Variants in RHOH observed in about 807,000 individuals in gnomAD.
RHOH encodes the protein ras homolog family member H, also known as rho-related GTP-binding protein RhoH.
Under a neutral mutation model 13.8 loss-of-function variants are expected in RHOH, and 6 were observed. The observed-to-expected ratio is 0.44, with a 90% CI of 0.24 to 0.86. The LOEUF is 0.86. Ranked by LOEUF, RHOH falls within the 40% of genes least tolerant of loss-of-function variation. The probability of loss-of-function intolerance (pLI) is 0.24; values close to 1 mark genes in which losing one functional copy is unlikely to be tolerated. For synonymous variants in RHOH, 117 were observed against 103.0 expected, an observed-to-expected ratio of 1.14 and a Z score of -0.82; for missense variants, 147 against 244.5, an observed-to-expected ratio of 0.60 and a Z score of 2.66.
chr4:40,212,705 G>A (rs1013539401), intron 1 of RHOH: 1 of 152,242 alleles, frequency 6.6e-6, no homozygotes, highest in African/African-American at 2.4e-5. Context: ...TCAAGAGAAA[G>A]GGCTGCTCCA....
At chr4:40,202,022 G>A (rs2109361655) in intron 1 of RHOH, among the ~76,000 whole-genome samples, 1 of 142,960 alleles carries the variant, frequency 7.0e-6, no homozygotes, top group South Asian at 2.2e-4. Flanking sequence ...TGTAATCACA[G>A]CTCACTCAGC....
chr4:40,232,255 T>G (rs967627518), intron 1 of RHOH, among the ~76,000 whole-genome samples: 2 of 152,186 alleles, frequency 1.3e-5, no homozygotes, highest in Non-Finnish European at 2.9e-5. Flanking sequence ...GACAGGGTCT[T>G]GCTTTGTTGC....
At chr4:40,229,051 T>G (rs1304408348) in intron 1 of RHOH, among the ~76,000 whole-genome samples, 1 of 152,134 alleles carries the variant, frequency 6.6e-6, no homozygotes, top group Non-Finnish European at 1.5e-5. Context: ...GAGATGGCCC[T>G]TACTTCCCAG....
At chr4:40,230,419 C>T (rs909619174) in intron 1 of RHOH, among the ~76,000 whole-genome samples, 2 of 152,030 alleles carry the variant, frequency 1.3e-5, no homozygotes, top group Non-Finnish European at 2.9e-5. Flanking sequence ...CAGCCTCTGC[C>T]TCCCAGGTTC....
chr4:40,220,502 A>G (rs1726426629), intron 1 of RHOH, among the ~76,000 whole-genome samples: 1 of 152,192 alleles, frequency 6.6e-6, no homozygotes, highest in African/African-American at 2.4e-5. Context: ...GATGAAGTAC[A>G]GCCACACCAT....
intron 1 of RHOH, among the ~76,000 whole-genome samples, chr4:40,199,105 A>T (rs972936066): frequency 8.8e-5 from 12 of 136,220 alleles, no homozygotes; most frequent in Non-Finnish European, 1.8e-4. Context: ...TGCTCAGATT[A>T]AAAAAAAAAT....
intron 1 of RHOH, among the ~76,000 whole-genome samples, chr4:40,215,354 A>G (rs1299464564): frequency 2.0e-5 from 3 of 152,212 alleles, no homozygotes; most frequent in Admixed American, 2.0e-4. Context: ...CTTCATTGCC[A>G]TAGAAAAATG....
At chr4:40,213,335 TTCTC>T (rs558461413) in intron 1 of RHOH, among the ~76,000 whole-genome samples, 13 of 148,004 alleles carry the variant, frequency 8.8e-5, no homozygotes, top group Non-Finnish European at 1.5e-4. Flanking sequence ...AGTTCCTGAC[TTCTC>T]TCTCTCTCTC....
At position 40,209,632 on chromosome 4, in the gene RHOH, G is replaced by C. The variant is rs2109394627; in HGVS notation, c.-331+12332G>C. ...GCTAAGTTTTGTATTTTTTTGTAGA[G>C]ATGGGGTTTCACCATGTTGCCCAGA... is the stretch of plus-strand genomic sequence containing the variant. On this transcript the variant is annotated intron_variant, in intron 1 of 2. Coordinates refer to ENST00000381799, the MANE Select transcript of RHOH (RefSeq NM_004310.5). 3 of 152,326 alleles carry C rather than the reference G, an allele frequency of 2.0e-5. No homozygotes were observed. The South Asian group carries it at 6.2e-4, about 32-fold the overall frequency. The allele number at this position is 152,326 out of a possible 1,614,324, so 9.4% of individuals were successfully genotyped here. A position where few individuals can be genotyped will look rare whatever the true frequency, so the allele number is the denominator to read the frequency against.
At chr4:40,200,991 T>C (rs1307495665) in intron 1 of RHOH, among the ~76,000 whole-genome samples, 1 of 152,220 alleles carries the variant, frequency 6.6e-6, no homozygotes, top group Non-Finnish European at 1.5e-5. Context: ...CAGTTTCTCG[T>C]AAAACTGAAG....
At chr4:40,195,403 TTC>T (rs1723034018), upstream of RHOH, among the ~76,000 whole-genome samples, 1 of 142,070 alleles carries the variant, frequency 7.0e-6, no homozygotes, top group African/African-American at 2.7e-5. Context: ...CCTTCCTTCC[TTC>T]CTTCCTTCCT....
At chr4:40,191,251 A>G (rs1359841850), upstream of RHOH, 1 of 152,144 alleles carries the variant, frequency 6.6e-6, no homozygotes, top group Admixed American at 6.6e-5. Context: ...ATCTTTAAAA[A>G]CTTTGTCAAT....
At chr4:40,241,265 G>A (rs1049583410) in intron 1 of RHOH, among the ~76,000 whole-genome samples, 3 of 152,144 alleles carry the variant, frequency 2.0e-5, no homozygotes, top group Non-Finnish European at 4.4e-5. Flanking sequence ...TGGTCCCTCC[G>A]CTATGGACAT....
chr4:40,222,521 A>G (rs1726711632), intron 1 of RHOH, among the ~76,000 whole-genome samples: 3 of 152,230 alleles, frequency 2.0e-5, no homozygotes, highest in Admixed American at 2.0e-4. Context: ...CTGAATGACA[A>G]CACATCTATT....
Position 40,245,026 on chromosome 4 carries a change from A to T in RHOH, c.*1064A>T, listed in dbSNP as rs1560292694. 6.6e-6 allele frequency: 1 copy of T among 152,484 alleles called. No homozygotes were observed. Among genetic ancestry groups the T allele is most frequent in the East Asian group, 1.9e-4 (1 of 5,240 alleles). The allele number at this position is 152,484 out of a possible 1,614,324, so 9.4% of individuals were successfully genotyped here. ...AAAAAAGGTAGAATTTACAGCCTTC[A>T]AAAAAGAAAAATCAAATTCCAAGCA... On this transcript the variant is annotated 3_prime_UTR_variant, in exon 3 of 3. Coordinates refer to ENST00000381799, the MANE Select transcript of RHOH (RefSeq NM_004310.5).
chr4:40,235,616 GAA>G (rs61162231), intron 1 of RHOH, among the ~76,000 whole-genome samples: 1 of 122,362 alleles, frequency 8.2e-6, no homozygotes, highest in African/African-American at 3.0e-5. Context: ...AAAGAAAAAA[GAA>G]AAAAAAAAAG....
chr4:40,207,937 G>A (rs1276622587), intron 1 of RHOH, among the ~76,000 whole-genome samples: 1 of 152,102 alleles, frequency 6.6e-6, no homozygotes, highest in Non-Finnish European at 1.5e-5. Context: ...CTGCACTCCA[G>A]CCTGGGCAAC....
intron 1 of RHOH, among the ~76,000 whole-genome samples, chr4:40,210,013 G>C (rs192096006): frequency 1.3e-5 from 2 of 152,066 alleles, no homozygotes; most frequent in South Asian, 4.2e-4. Context: ...GATTCGTTTA[G>C]TGAAAAAGAC....
chr4:40,202,945 T>C (rs1724190033), intron 1 of RHOH, among the ~76,000 whole-genome samples: 1 of 152,028 alleles, frequency 6.6e-6, no homozygotes, highest in Admixed American at 6.5e-5. Context: ...TCTCAAGTTT[T>C]ATTTATTTAT....
Sources: allele counts gnomAD v4.1 joint callset (sites outside exome capture counted in the v4.1 genomes callset), GRCh38; gene constraint gnomAD v4.1.1; transcripts MANE v1.5; gene names NCBI Gene and HGNC (gene_info 2026-07-23, HGNC 2026-07-21).